The following CPB2 variants were observed in gnomAD, a reference collection of about 807,000 sequenced individuals.
The protein encoded by CPB2 is carboxypeptidase B-like protein.
In CPB2, 54 loss-of-function variants were observed where a neutral mutation model predicts 57.0. The ratio of observed to expected loss-of-function variants is 0.95; its 90% confidence interval spans 0.76 to 1.19. The LOEUF (loss-of-function observed/expected upper bound fraction) is 1.19, where lower values mean the gene tolerates loss of function less well. CPB2 is among the 50% of genes most tolerant of loss of function. CPB2 has a pLI of 0.00. For missense variants in CPB2, 426 were observed against 512.0 expected (o/e 0.83, Z 1.62); for synonymous variants, 189 against 178.1 (o/e 1.06, Z -0.49).
chr13:46,102,439 G>T (rs1369251440), intron 1 of CPB2, among the ~76,000 whole-genome samples: 1 of 149,526 alleles, frequency 6.7e-6, no homozygotes, highest in Non-Finnish European at 1.5e-5. Flanking sequence ...ACTTGTTGTT[G>T]TTCCAGGGCA....
intron 6 of CPB2, among the ~76,000 whole-genome samples, 157 bp from the exon 7 acceptor site, chr13:46,067,574 G>T (rs1307124954): frequency 6.6e-6 from 1 of 151,952 alleles, no homozygotes; most frequent in African/African-American, 2.4e-5. Context: ...CTGAACTTAG[G>T]GTGCTACGAA....
chr13:46,103,233 C>T (rs538102511), intron 1 of CPB2, among the ~76,000 whole-genome samples: 1 of 152,218 alleles, frequency 6.6e-6, no homozygotes, highest in African/African-American at 2.4e-5. Context: ...TGCCCGCCAA[C>T]CTCTGCAACA....
In CPB2 at chr13:46,078,661, A is replaced by G. The variant is rs987627623; in HGVS notation, c.486+139T>C. Reference sequence around the variant, plus strand: ...AAAAATAACCAACCCCTAAATAGCCAGGTATTAAAGTTGAGGAACACTTGT... The same window carrying G: ...AAAAATAACCAACCCCTAAATAGCCGGGTATTAAAGTTGAGGAACACTTGT... On this transcript the variant is annotated intron_variant, in intron 5 of 10. Transcript: ENST00000181383. 2.0e-5 allele frequency: 13 copies of G among 638,714 alleles called. No individual in the cohort carries two copies. The African/African-American group carries it at 2.4e-4, about 12-fold the overall frequency. The allele number at this position is 638,714 out of a possible 1,614,324, so 39.6% of individuals were successfully genotyped here.
chr13:46,099,571 A>G (rs1375871146), intron 1 of CPB2: 1 of 152,218 alleles, frequency 6.6e-6, no homozygotes, highest in Non-Finnish European at 1.5e-5. Context: ...CTGAATTTCA[A>G]GTCCATGTAG....
intron 2 of CPB2, 96 bp from the exon 3 acceptor site, chr13:46,084,439 G>C: frequency 7.4e-7 from 1 of 1,343,076 alleles, no homozygotes; most frequent in Non-Finnish European, 1.0e-6. Flanking sequence ...TCTATAAGGA[G>C]TATGAAAAGG....
At chr13:46,091,719 G>A (rs2045295319) in intron 1 of CPB2, among the ~76,000 whole-genome samples, 1 of 152,192 alleles carries the variant, frequency 6.6e-6, no homozygotes, top group Non-Finnish European at 1.5e-5. Flanking sequence ...TGTTGCTAAG[G>A]TTGTGAGAAT....
At chr13:46,079,641 G>A (rs2045081769) in intron 4 of CPB2, among the ~76,000 whole-genome samples, 1 of 151,820 alleles carries the variant, frequency 6.6e-6, no homozygotes, top group African/African-American at 2.4e-5. Context: ...GTTTGGGATT[G>A]CTGGGATTGA....
At chr13:46,086,497 C>T (rs1288463322) in intron 2 of CPB2, among the ~76,000 whole-genome samples, 1 of 152,146 alleles carries the variant, frequency 6.6e-6, no homozygotes, top group Non-Finnish European at 1.5e-5. Context: ...AGCTGGTCCT[C>T]CCCATGTCTC....
At chr13:46,102,156 T>G (rs1448650367) in intron 1 of CPB2, among the ~76,000 whole-genome samples, 3 of 152,238 alleles carry the variant, frequency 2.0e-5, no homozygotes, top group Non-Finnish European at 4.4e-5. Flanking sequence ...GGTCTATTAA[T>G]AATTCAGAAG....
intron 2 of CPB2, among the ~76,000 whole-genome samples, chr13:46,085,041 G>A (rs1470837700): frequency 6.6e-6 from 1 of 151,710 alleles, no homozygotes; most frequent in Admixed American, 6.6e-5. Flanking sequence ...TAGTAGAGAC[G>A]GGGTTTCACC....
chr13:46,070,546 AAAC>A (rs529877163), intron 6 of CPB2, among the ~76,000 whole-genome samples: 9 of 152,040 alleles, frequency 5.9e-5, no homozygotes, highest in South Asian at 2.1e-4. Flanking sequence ...ATGTGGCCCT[AAAC>A]AACAACAACA....
chr13:46,080,047 T>G (rs141243035), intron 4 of CPB2, among the ~76,000 whole-genome samples: 226 of 152,342 alleles, frequency 1.5e-3, no homozygotes, highest in African/African-American at 5.3e-3. Flanking sequence ...ATTTATGCAT[T>G]GATACTTCAG....
intron 1 of CPB2, among the ~76,000 whole-genome samples, chr13:46,090,592 G>C (rs2045277993): frequency 6.6e-6 from 1 of 151,698 alleles, no homozygotes; most frequent in Non-Finnish European, 1.5e-5. Context: ...TCGAACTCCT[G>C]ACCCCGTGAT....
intron 3 of CPB2, 32 bp downstream of exon 3, chr13:46,084,187 T>C: frequency 6.2e-7 from 1 of 1,610,788 alleles, no homozygotes; most frequent in Non-Finnish European, 8.5e-7. Flanking sequence ...GTGTTTATAA[T>C]AACTACTCAA....
At chr13:46,083,792 C>A (rs1356287671) in intron 3 of CPB2, among the ~76,000 whole-genome samples, 1 of 152,216 alleles carries the variant, frequency 6.6e-6, no homozygotes, top group East Asian at 1.9e-4. Context: ...CCACCTGTTA[C>A]ACTTTTTAAA....
chr13:46,084,161 G>A (rs576500788), intron 3 of CPB2, 58 bp downstream of exon 3: 2 of 1,590,440 alleles, frequency 1.3e-6, no homozygotes, highest in African/African-American at 1.3e-5. Context: ...CCATACCCTA[G>A]TCAAGTGCAT....
intron 7 of CPB2, 92 bp downstream of exon 7, chr13:46,067,215 G>A: frequency 1.7e-6 from 1 of 598,088 alleles, no homozygotes; most frequent in Non-Finnish European, 3.0e-6. Context: ...TAAAGCCATT[G>A]TGCCTAGATC....
chr13:46,090,001 T>G (rs2045268079), intron 1 of CPB2, among the ~76,000 whole-genome samples: 1 of 152,254 alleles, frequency 6.6e-6, no homozygotes, highest in Non-Finnish European at 1.5e-5. Flanking sequence ...TTACCCTTGC[T>G]AATATAATGT....
At chr13:46,082,958 CT>C (rs774539161) in intron 3 of CPB2, among the ~76,000 whole-genome samples, 200 of 142,796 alleles carry the variant, frequency 1.4e-3, no homozygotes, top group Non-Finnish European at 1.7e-3. Flanking sequence ...CCTTTTCTTT[CT>C]TTTTTTTTTT....
Sources: allele counts gnomAD v4.1 joint callset (sites outside exome capture counted in the v4.1 genomes callset), GRCh38; gene constraint gnomAD v4.1.1; transcripts MANE v1.5; gene names NCBI Gene and HGNC (gene_info 2026-07-23, HGNC 2026-07-21).